The following TENM3 variants were observed in gnomAD, a reference collection of about 807,000 sequenced individuals.
The protein encoded by TENM3 is teneurin-3.
TENM3 carries 63 observed loss-of-function variants against 255.1 expected under a neutral mutation model. The observed-to-expected ratio is 0.25, with a 90% confidence interval of 0.20 to 0.30. The LOEUF is 0.30. TENM3 is among the 10% of genes least tolerant of loss of function. TENM3 has a pLI of 1.00. For synonymous variants in TENM3, 1,306 were observed against 1,322.3 expected (o/e 0.99, Z 0.27); for missense variants, 2,929 against 3,461.1 (o/e 0.85, Z 3.86).
chr4:182,584,784 C>T (rs1455140224), intron 3 of TENM3, among the ~76,000 whole-genome samples: 1 of 151,912 alleles, frequency 6.6e-6, no homozygotes, highest in Non-Finnish European at 1.5e-5. Flanking sequence ...GGATTACAGG[C>T]GCCTGCCACC....
chr4:182,692,133 A>T (rs1001706310), intron 12 of TENM3, among the ~76,000 whole-genome samples: 2 of 152,238 alleles, frequency 1.3e-5, no homozygotes, highest in African/African-American at 4.8e-5. Context: ...CAGTTCTGTC[A>T]TCTGAGAGTT....
At chr4:182,245,969 A>T (rs919517545) in intron 1 of TENM3, among the ~76,000 whole-genome samples, 9 of 152,134 alleles carry the variant, frequency 5.9e-5, no homozygotes, top group Non-Finnish European at 1.3e-4. Flanking sequence ...CTCCTGCTGG[A>T]TCCTCACTCT....
intron 3 of TENM3, chr4:182,349,832 T>A (rs1765055222): frequency 2.7e-6 from 1 of 374,126 alleles, no homozygotes; most frequent in African/African-American, 2.2e-5. Context: ...TTATTCATTT[T>A]TATACTAGCT....
At chr4:182,654,039 A>G in intron 6 of TENM3, 146 bp downstream of exon 6, 1 of 753,390 alleles carries the variant, frequency 1.3e-6, no homozygotes, top group Non-Finnish European at 1.9e-6. Context: ...AGTTTTTTTC[A>G]ATTAATTTAC....
At chr4:182,028,427 T>C in the TENM3 span, among the ~76,000 whole-genome samples, 6 of 152,298 alleles carry the variant, frequency 3.9e-5, no homozygotes, top group Non-Finnish European at 7.4e-5. Flanking sequence ...GTTGTTTCAT[T>C]ATCTTTTGTA....
At chr4:182,192,151 G>A (rs1028849332) in intron 1 of TENM3, among the ~76,000 whole-genome samples, 18 of 151,980 alleles carry the variant, frequency 1.2e-4, no homozygotes, top group African/African-American at 3.6e-4. Flanking sequence ...TTGGAACACC[G>A]TTGCACCCAT....
the TENM3 span, among the ~76,000 whole-genome samples, chr4:181,962,105 C>G: frequency 6.6e-6 from 1 of 152,144 alleles, no homozygotes; most frequent in Non-Finnish European, 1.5e-5. Flanking sequence ...AGCTTAAAAG[C>G]AGATTAAACT....
At chr4:181,773,667 T>A in the TENM3 span, among the ~76,000 whole-genome samples, 1 of 152,218 alleles carries the variant, frequency 6.6e-6, no homozygotes, top group African/African-American at 2.4e-5. Context: ...AAACAAATGC[T>A]TCTACACATC....
intron 3 of TENM3, among the ~76,000 whole-genome samples, chr4:182,586,959 A>G (rs941886142): frequency 2.6e-5 from 4 of 152,236 alleles, no homozygotes; most frequent in South Asian, 4.1e-4. Context: ...TGTTTTTCCT[A>G]TAGTTGCTGA....
chr4:182,604,545 G>A (rs1412764750), intron 4 of TENM3, among the ~76,000 whole-genome samples: 1 of 152,112 alleles, frequency 6.6e-6, no homozygotes, highest in Non-Finnish European at 1.5e-5. Context: ...CTGAGCAAAC[G>A]CTTAGAATTG....
chr4:181,738,073 G>A, the TENM3 span, among the ~76,000 whole-genome samples: 3 of 152,056 alleles, frequency 2.0e-5, no homozygotes, highest in Non-Finnish European at 4.4e-5. Flanking sequence ...TAAATGATGG[G>A]TTGCAATTTT....
At chr4:182,014,370 A>T in the TENM3 span, among the ~76,000 whole-genome samples, 1 of 151,348 alleles carries the variant, frequency 6.6e-6, no homozygotes, top group East Asian at 2.0e-4. Flanking sequence ...CAATCACAAA[A>T]CTCTTTCCCA....
In TENM3 at chr4:182,761,012, T is replaced by C. The variant is rs534712569; in HGVS notation, c.4892+5753T>C. On this transcript the variant is annotated intron_variant, in intron 22 of 27. Transcript: ENST00000511685. ...AAGATATCATTAATTAGAAAAGTTA[T>C]GCCCATTCTTGTTGACACTGACTCC... 1.4e-3 allele frequency among the ~76,000 whole-genome samples: 210 copies of C among 151,396 alleles called. 1 individual carries two copies. The highest frequency in any genetic ancestry group is 4.9e-3 in the African/African-American group (202 of 41,424).
At chr4:181,644,611 CAA>C in the TENM3 span, among the ~76,000 whole-genome samples, 1 of 152,174 alleles carries the variant, frequency 6.6e-6, no homozygotes, top group Admixed American at 6.5e-5. Flanking sequence ...GACCAAGACA[CAA>C]AGTGGCTTCT....
chr4:182,145,459 A>G, intron 1 of TENM3, among the ~76,000 whole-genome samples: 1 of 152,302 alleles, frequency 6.6e-6, no homozygotes, highest in Middle Eastern at 3.4e-3. Context: ...TTTACAACCG[A>G]TTACAAAGAG....
chr4:182,071,949 A>G, the TENM3 span, among the ~76,000 whole-genome samples: 5 of 152,308 alleles, frequency 3.3e-5, no homozygotes, highest in East Asian at 9.7e-4. Flanking sequence ...AAACCAAAAC[A>G]AAACAAAACA....
the TENM3 span, among the ~76,000 whole-genome samples, chr4:181,888,516 G>GTGTATATATA: frequency 1.4e-4 from 6 of 41,510 alleles, 1 homozygote; most frequent in African/African-American, 5.5e-4. Flanking sequence ...ATATATATAT[G>GTGTATATATA]TATATATATA....
chr4:182,288,177 C>T (rs1760869658), intron 1 of TENM3, among the ~76,000 whole-genome samples: 1 of 152,096 alleles, frequency 6.6e-6, no homozygotes, highest in East Asian at 1.9e-4. Context: ...CTCAGGTGAT[C>T]CACCCTCCTC....
chr4:182,583,009 G>A (rs1721070321), intron 3 of TENM3, among the ~76,000 whole-genome samples: 2 of 152,202 alleles, frequency 1.3e-5, no homozygotes, highest in African/African-American at 4.8e-5. Context: ...TGAATGTGCA[G>A]GGCAAAGCTG....
Sources: gnomAD v4.1 joint callset for allele counts (sites outside exome capture counted in the v4.1 genomes callset) on GRCh38, gnomAD v4.1.1 for gene constraint, MANE v1.5 for transcripts, NCBI Gene and HGNC (gene_info 2026-07-23, HGNC 2026-07-21) for gene names.